Variants in CKAP2 observed in about 807,000 individuals in gnomAD.
CKAP2 encodes cytoskeleton-associated protein 2.
In CKAP2, 46 loss-of-function variants were observed where a neutral mutation model predicts 58.4. The ratio of observed to expected loss-of-function variants is 0.79; its 90% CI spans 0.62 to 1.01. The LOEUF (loss-of-function observed/expected upper bound fraction) is 1.01, where lower values mean the gene tolerates loss of function less well. Ranked by LOEUF, CKAP2 falls within the 50% of genes least tolerant of loss-of-function variation. The pLI is 0.00. For synonymous variants in CKAP2, 293 were observed against 280.9 expected (o/e 1.04, Z -0.43); for missense variants, 809 against 796.4 (o/e 1.02, Z -0.19).
Position 52,469,637 on chromosome 13 carries a change from C to T in CKAP2, c.1546+1290C>T, listed in dbSNP as rs371839768. On this transcript the variant is annotated intron_variant, in intron 7 of 8. Transcript: ENST00000258607. ...CGGAGTCTCGCTCTGTCGCCCAGGC[C>T]AGACTGCGGACTGCAGTGGCGCAAT... Among the ~76,000 whole-genome samples, 91 of 146,844 alleles carry T rather than the reference C, an allele frequency of 6.2e-4. 2 individuals are homozygous for T. In the East Asian group the frequency reaches 0.013, roughly 22 times the overall value.
chr13:52,476,343 T>C lies in CKAP2; in HGVS notation c.*1202T>C, dbSNP rs1420034409. 2 of 152,236 alleles carry C rather than the reference T, an allele frequency of 1.3e-5. No individual in the cohort carries two copies. Among genetic ancestry groups the C allele is most frequent in the Non-Finnish European group, 2.9e-5 (2 of 68,028 alleles). 9.4% of individuals were successfully genotyped at this position (152,236 alleles called of 1,614,324 possible). On this transcript the variant is annotated 3_prime_UTR_variant, in exon 9 of 9. Transcript: ENST00000258607. ...GATATATATACAATTAAAATATCTGTGTAATTATGTTTTAATGAAGTTTAT... is the reference window on the plus strand; with the variant it reads ...GATATATATACAATTAAAATATCTGCGTAATTATGTTTTAATGAAGTTTAT...
rs72440971 is a variant in CKAP2, at chr13:52,455,635, C to CGCGGTG, written c.70+44_70+49dup. The CGCGGTG allele has an allele frequency of 5.6e-3, 8,683 of 1,562,174 alleles. 83 individuals are homozygous for CGCGGTG. The highest frequency in any genetic ancestry group is 0.032 in the African/African-American group (2,253 of 70,174). On this transcript the variant is annotated intron_variant, in intron 1 of 8. Transcript: ENST00000258607. ...GCAGTCCGCATTCAAAGGTGAAGGC[C>CGCGGTG]GCGGTGGCGGTGGCGGTGGCGGTGG...
rs761542956 is a variant in CKAP2 at position 52,455,592 on chromosome 13, G to A, written c.36G>A (p.Leu12=). The change falls in exon 1 of 9, where the codon CTG becomes CTA. Residue 12 remains leucine, a synonymous_variant. Transcript: ENST00000258607. ...STPAVPQDLQ[L]PPSQRAQSAF... ...CGGCCGTGCCCCAGGACCTGCAGCT[G>A]CCCCCGAGTCAGAGGGCGCAGTCCG... The A allele has an allele frequency of 1.5e-5, 24 of 1,612,036 alleles. No homozygotes were observed. Among genetic ancestry groups the A allele is most frequent in the Non-Finnish European group, 1.9e-5 (23 of 1,179,492 alleles).
At chr13:52,463,767 T>C (rs1204537476) in intron 5 of CKAP2, among the ~76,000 whole-genome samples, 1 of 152,230 alleles carries the variant, frequency 6.6e-6, no homozygotes, top group Admixed American at 6.5e-5. Context: ...TTCAGAGTCA[T>C]CTGCCTCATT....
chr13:52,465,385 C>T lies in CKAP2; in HGVS notation c.1396C>T (p.Leu466Phe), dbSNP rs1281237845. The change falls in exon 6 of 9, where the codon CTT (leucine) becomes TTT (phenylalanine). Residue 466 changes from leucine to phenylalanine, a missense_variant. By Grantham distance (22) the Leu-to-Phe change is conservative. This residue lies in a region of CKAP2 where 283 missense variants were observed against 287.6 expected (regional missense o/e 0.98). Coordinates refer to ENST00000258607, the MANE Select transcript of CKAP2 (RefSeq NM_018204.5). ...AAAGCTTGTTAAGTATTGGATATGT[C>T]TTGCACTTATTGAACCAATCACAAG... ...AKKLVKYWIC[L>F]ALIEPITSPI... The T allele has an allele frequency of 6.2e-7, 1 of 1,613,320 alleles. No homozygotes were observed. Among genetic ancestry groups the T allele is most frequent in the South Asian group, 1.1e-5 (1 of 91,058 alleles).
Position 52,461,408 on chromosome 13 carries a change from A to G in CKAP2, c.582A>G (p.Leu194=), listed in dbSNP as rs147763631. 67 of 1,614,120 alleles carry G rather than the reference A, an allele frequency of 4.2e-5. No homozygotes were observed. The highest frequency in any genetic ancestry group is 2.6e-4 in the South Asian group (24 of 91,092). The part of the protein sequence containing the change: ...QSKINSFRKP[L]QVKDESSAAT... ...AGATTAATTCATTTAGAAAACCTCTACAAGTCAAAGATGAGAGTTCTGCAG... is the reference window on the plus strand; with the variant it reads ...AGATTAATTCATTTAGAAAACCTCTGCAAGTCAAAGATGAGAGTTCTGCAG... The change falls in exon 4 of 9, where the codon CTA becomes CTG. Residue 194 remains leucine, a synonymous_variant. Coordinates refer to ENST00000258607, the MANE Select transcript of CKAP2 (RefSeq NM_018204.5).
chr13:52,465,454 G>T lies in CKAP2; in HGVS notation c.1465G>T (p.Ala489Ser), dbSNP rs749653423. The T allele has an allele frequency of 1.9e-6, 3 of 1,613,108 alleles. No homozygotes were observed. Among genetic ancestry groups the T allele is most frequent in the Non-Finnish European group, 2.5e-6 (3 of 1,179,322 alleles). Residue 489 changes from alanine to serine, a missense_variant, in exon 6 of 9, where the codon GCA (alanine) becomes TCA (serine). Physicochemically the swap from Ala to Ser is moderately conservative, Grantham distance 99. This residue lies in a region of CKAP2 where 283 missense variants were observed against 287.6 expected (regional missense o/e 0.98). Coordinates refer to ENST00000258607, the MANE Select transcript of CKAP2 (RefSeq NM_018204.5). ...IIAIYEKAIL[A>S]GAQPIEEMRH... ...TGCAATCTATGAGAAAGCCATTCTG[G>T]CAGGGGCTCAGGTAAGATAAAAATT...
At position 52,475,614 on chromosome 13, in the gene CKAP2, A is replaced by AT. The variant is rs1958817532; in HGVS notation, c.*474dup. The AT allele has an allele frequency of 6.5e-6, 1 of 153,020 alleles. No individual in the cohort carries two copies. Among genetic ancestry groups the AT allele is most frequent in the South Asian group, 2.1e-4 (1 of 4,866 alleles). The allele number at this position is 153,020 out of a possible 1,614,324, so 9.5% of individuals were successfully genotyped here. On this transcript the variant is annotated 3_prime_UTR_variant, in exon 9 of 9. Transcript: ENST00000258607. ...TCAGATTAGTCAAAAATTCTATAGA[A>AT]TGACTCACTTCGAATACTAAGACAC... is the stretch of plus-strand genomic sequence containing the variant.
In CKAP2 at chr13:52,473,953, A is replaced by C. The variant is rs1566106055; in HGVS notation, c.1671A>C (p.Leu557=). 1.2e-6 allele frequency: 2 copies of C among 1,614,014 alleles called. No homozygotes were observed. The highest frequency in any genetic ancestry group is 1.7e-6 in the Non-Finnish European group (2 of 1,180,020). Residue 557 remains leucine (L), a synonymous_variant, in exon 8 of 9, where the codon CTA becomes CTC. Coordinates refer to ENST00000258607, the MANE Select transcript of CKAP2 (RefSeq NM_018204.5). ...EMESKLHRNL[L]FQDCEKEQDN... Reference sequence around the variant, plus strand: ...AGAGTAAACTTCATAGAAATTTGCTATTTCAAGATTGTGAAAAAGAGCAAG... The same window carrying C: ...AGAGTAAACTTCATAGAAATTTGCTCTTTCAAGATTGTGAAAAAGAGCAAG...
At chr13:52,462,939 G>A (rs1450286213) in intron 5 of CKAP2, among the ~76,000 whole-genome samples, 1 of 152,084 alleles carries the variant, frequency 6.6e-6, no homozygotes, top group Non-Finnish European at 1.5e-5. Context: ...GTTCATTTAC[G>A]TTTTGTTTGT....
intron 8 of CKAP2, among the ~76,000 whole-genome samples, chr13:52,474,451 T>C (rs897084647): frequency 2.0e-5 from 3 of 152,208 alleles, no homozygotes; most frequent in African/African-American, 7.2e-5. Flanking sequence ...ATCATGCCAC[T>C]GTCCTCCAGC....
chr13:52,457,812 C>T (rs1958511047), intron 2 of CKAP2, among the ~76,000 whole-genome samples: 1 of 151,984 alleles, frequency 6.6e-6, no homozygotes, highest in Non-Finnish European at 1.5e-5. Flanking sequence ...CGAGATCGTG[C>T]CATTGCACTC....
chr13:52,464,536 A>G (rs1958633308), intron 5 of CKAP2, among the ~76,000 whole-genome samples: 1 of 148,924 alleles, frequency 6.7e-6, no homozygotes, highest in South Asian at 2.2e-4. Flanking sequence ...CTGGGCAACA[A>G]GAGCAAAACT....
intron 7 of CKAP2, among the ~76,000 whole-genome samples, chr13:52,470,012 G>T (rs1395459894): frequency 6.6e-6 from 1 of 151,990 alleles, no homozygotes; most frequent in Non-Finnish European, 1.5e-5. Flanking sequence ...ATATTATACA[G>T]TCAACAAATA....
chr13:52,469,593 A>ATTTTTTTT (rs1491429967), intron 7 of CKAP2, among the ~76,000 whole-genome samples: 5 of 140,366 alleles, frequency 3.6e-5, no homozygotes, highest in Admixed American at 7.0e-5. Flanking sequence ...TTATTTATTT[A>ATTTTTTTT]TTTATTTTTT....
In CKAP2 at chr13:52,455,485, G is replaced by A; in HGVS notation, c.-72G>A. 1.4e-5 allele frequency: 22 copies of A among 1,574,458 alleles called. No homozygotes were observed. The highest frequency in any genetic ancestry group is 1.8e-5 in the Non-Finnish European group (21 of 1,145,662). On this transcript the variant is annotated 5_prime_UTR_variant, in exon 1 of 9. Coordinates refer to ENST00000258607, the MANE Select transcript of CKAP2 (RefSeq NM_018204.5). ...TGACGGCTTAGCCGCGGTGCAGACTGCGGCGGCGGTGGTCTGAGGAAGTTC... is the reference window on the plus strand; with the variant it reads ...TGACGGCTTAGCCGCGGTGCAGACTACGGCGGCGGTGGTCTGAGGAAGTTC...
chr13:52,457,457 C>T lies in CKAP2; in HGVS notation c.155+850C>T, dbSNP rs78278332. Among the ~76,000 whole-genome samples the T allele has an allele frequency of 7.4e-3, 1,127 of 152,214 alleles. 6 individuals are homozygous for T. Among genetic ancestry groups the T allele is most frequent in the African/African-American group, 0.017 (703 of 41,518 alleles). ...TATCTTTATTATTTTGTTAAAATAT[C>T]TTAGATAGTACATAGCTGTAGCAAA... On this transcript the variant is annotated intron_variant, in intron 2 of 8. Transcript: ENST00000258607.
Position 52,461,330 on chromosome 13 carries a change from C to G in CKAP2, c.504C>G (p.Asn168Lys). 6.2e-7 allele frequency: 1 copy of G among 1,614,184 alleles called. No individual in the cohort carries two copies. Among genetic ancestry groups the G allele is most frequent in the Non-Finnish European group, 8.5e-7 (1 of 1,180,028 alleles). Residue 168 changes from asparagine to lysine, a missense_variant, in exon 4 of 9, where the codon AAC (asparagine) becomes AAG (lysine). Asn to Lys is a moderately conservative substitution (Grantham distance 94, BLOSUM62 0). This residue lies in a region of CKAP2 where 523 missense variants were observed against 492.4 expected (regional missense o/e 1.06). Transcript: ENST00000258607. Reference sequence around the variant, plus strand: ...CAGAAAAACAAAAGCAAGATGCTAACATGCCCAAGAAACCTGTGCTTGGAT... The same window carrying G: ...CAGAAAAACAAAAGCAAGATGCTAAGATGCCCAAGAAACCTGTGCTTGGAT... ...MTTEKQKQDA[N>K]MPKKPVLGSY...
intron 7 of CKAP2, among the ~76,000 whole-genome samples, chr13:52,472,155 A>G (rs1260397709): frequency 2.0e-5 from 3 of 151,956 alleles, no homozygotes; most frequent in Non-Finnish European, 4.4e-5. Context: ...CTGATATACC[A>G]TCCCCTCTCC....
Sources: gnomAD v4.1 joint callset for allele counts (sites outside exome capture counted in the v4.1 genomes callset) on GRCh38, gnomAD v4.1.1 for gene constraint, gnomAD v4.1.1 regional missense constraint, MANE v1.5 for transcripts, NCBI Gene and HGNC (gene_info 2026-07-23, HGNC 2026-07-21) for gene names.